COL24A1: variants seen among roughly 807,000 people sequenced by gnomAD.
COL24A1 encodes collagen type XXIV alpha 1 chain.
Under a neutral mutation model 253.9 loss-of-function variants are expected in COL24A1, and 224 were observed. The observed-to-expected ratio is 0.88, with a 90% confidence interval of 0.79 to 0.99. COL24A1 has a LOEUF of 0.99. COL24A1 is among the 50% of genes least tolerant of loss of function. COL24A1 has a pLI of 0.00. For synonymous variants in COL24A1, 685 were observed against 673.7 expected, an observed-to-expected ratio of 1.02 and a Z score of -0.26; for missense variants, 2,131 against 2,068.5, an observed-to-expected ratio of 1.03 and a Z score of -0.59.
In COL24A1 at chr1:85,745,342, A is replaced by G. The variant is rs1168585967; in HGVS notation, c.4503+99T>C. ...ACATTTTCAATCTGTTTTAAATACA[A>G]TCTTTGAGATAATGTCACATTTTGG... On this transcript the variant is annotated intron_variant, in intron 56 of 59. Coordinates refer to ENST00000370571, the MANE Select transcript of COL24A1 (RefSeq NM_152890.7). 25 of 652,360 alleles carry G rather than the reference A, an allele frequency of 3.8e-5. No homozygotes were observed. The South Asian group carries it at 6.0e-4, about 16-fold the overall frequency. 40.4% of individuals were successfully genotyped at this position (652,360 alleles called of 1,614,324 possible).
intron 32 of COL24A1, among the ~76,000 whole-genome samples, chr1:85,877,445 C>G (rs1295386478): frequency 6.6e-6 from 1 of 152,168 alleles, no homozygotes; most frequent in Non-Finnish European, 1.5e-5. Context: ...TCACTGCAAC[C>G]TCCGCCTCCC....
chr1:85,874,513 T>G, intron 35 of COL24A1, 136 bp downstream of exon 35: 1 of 777,364 alleles, frequency 1.3e-6, no homozygotes. Flanking sequence ...TTTGAAAGTA[T>G]GAAATGAAAC....
chr1:85,803,266 T>C (rs1453898463), intron 47 of COL24A1, among the ~76,000 whole-genome samples: 3 of 151,938 alleles, frequency 2.0e-5, no homozygotes, highest in African/African-American at 4.8e-5. Context: ...TGAAACCCCA[T>C]CTCTACTAAA....
intron 12 of COL24A1, chr1:86,045,944 T>G (rs766757403): frequency 2.9e-5 from 11 of 378,418 alleles, no homozygotes; most frequent in South Asian, 2.1e-4. Context: ...TGGATTTAGA[T>G]TCAGTGGAGC....
At chr1:86,118,295 C>A (rs1288144050) in intron 3 of COL24A1, among the ~76,000 whole-genome samples, 1 of 152,108 alleles carries the variant, frequency 6.6e-6, no homozygotes, top group African/African-American at 2.4e-5. Context: ...AAACTCCTGA[C>A]CTTGTGATCC....
Position 86,093,714 on chromosome 1 carries a change from G to T in COL24A1, c.1600-1394C>A, listed in dbSNP as rs191344887. Among the ~76,000 whole-genome samples, 351 of 152,162 alleles carry T rather than the reference G, an allele frequency of 2.3e-3. 1 individual carries two copies. Among genetic ancestry groups the T allele is most frequent in the African/African-American group, 8.2e-3 (339 of 41,506 alleles). On this transcript the variant is annotated intron_variant, in intron 5 of 59. Coordinates refer to ENST00000370571, the MANE Select transcript of COL24A1 (RefSeq NM_152890.7). ...AGTGTAAACAAACAACCTACAGAAT[G>T]GGAGAACATTTTTGCAAACTATGCA... is the stretch of plus-strand genomic sequence containing the variant.
At chr1:85,746,001 C>T (rs1039121032) in intron 55 of COL24A1, among the ~76,000 whole-genome samples, 1 of 152,050 alleles carries the variant, frequency 6.6e-6, no homozygotes, top group African/African-American at 2.4e-5. Context: ...GAAAATGTAC[C>T]ATGAGTCCCA....
At chr1:85,925,216 A>T (rs150507253) in intron 24 of COL24A1, among the ~76,000 whole-genome samples, 6,432 of 152,324 alleles carry the variant, frequency 0.042, 221 homozygotes, top group African/African-American at 0.09. Flanking sequence ...ATGGACAGGA[A>T]GAATCAATAT....
chr1:85,920,435 G>C (rs1264581773), intron 24 of COL24A1, among the ~76,000 whole-genome samples: 1 of 152,196 alleles, frequency 6.6e-6, no homozygotes, highest in African/African-American at 2.4e-5. Context: ...AATAGGCTGG[G>C]ATAGATACAT....
chr1:85,829,048 G>T (rs1221762652), intron 43 of COL24A1, among the ~76,000 whole-genome samples: 1 of 152,134 alleles, frequency 6.6e-6, no homozygotes, highest in African/African-American at 2.4e-5. Flanking sequence ...GCATGTTTTT[G>T]CAGTGGCTGG....
chr1:85,864,738 CA>C (rs1177957669), intron 37 of COL24A1, among the ~76,000 whole-genome samples: 1 of 152,150 alleles, frequency 6.6e-6, no homozygotes, highest in Non-Finnish European at 1.5e-5. Context: ...TACCTAATAT[CA>C]TACCACCTTA....
intron 33 of COL24A1, among the ~76,000 whole-genome samples, 196 bp from the exon 34 acceptor site, chr1:85,875,526 A>G (rs1681055135): frequency 6.6e-6 from 1 of 152,154 alleles, no homozygotes; most frequent in Non-Finnish European, 1.5e-5. Context: ...TTCGTCTAAA[A>G]TTAGGACTTT....
chr1:86,042,775 T>C (rs184164274), intron 12 of COL24A1, among the ~76,000 whole-genome samples: 6 of 152,326 alleles, frequency 3.9e-5, no homozygotes. Flanking sequence ...GAGCACGTGA[T>C]TTATAGTAAC....
At chr1:85,839,964 A>G (rs1388645077) in intron 42 of COL24A1, among the ~76,000 whole-genome samples, 1 of 152,170 alleles carries the variant, frequency 6.6e-6, no homozygotes, top group East Asian at 1.9e-4. Context: ...AATTAGTTGG[A>G]AAAGCATAGG....
chr1:85,870,435 AC>A (rs1305999143), intron 35 of COL24A1, among the ~76,000 whole-genome samples: 7 of 152,212 alleles, frequency 4.6e-5, no homozygotes, highest in African/African-American at 1.7e-4. Flanking sequence ...AAAATTGACC[AC>A]ATAGTTGGAA....
chr1:85,908,698 A>G (rs773324372), intron 26 of COL24A1, 47 bp from the exon 27 acceptor site: 2 of 845,810 alleles, frequency 2.4e-6, no homozygotes, highest in Non-Finnish European at 3.5e-6. Flanking sequence ...TCATGACTTT[A>G]AATTATTTTC....
In COL24A1 at chr1:85,869,682, G is replaced by T. The variant is rs1026500642; in HGVS notation, c.3139-847C>A. On this transcript the variant is annotated intron_variant, in intron 35 of 59. Coordinates refer to ENST00000370571, the MANE Select transcript of COL24A1 (RefSeq NM_152890.7). ...TGTCACCACCAGGCCTGCCCTACAA[G>T]AGCTCCTGAAGGAAGCACTAAACAC... Among the ~76,000 whole-genome samples the T allele has an allele frequency of 2.3e-4, 35 of 152,212 alleles. 1 individual carries two copies. The highest frequency in any genetic ancestry group is 8.2e-4 in the African/African-American group (34 of 41,528).
chr1:85,978,443 T>G (rs919622663), intron 20 of COL24A1, among the ~76,000 whole-genome samples: 2 of 151,444 alleles, frequency 1.3e-5, no homozygotes, highest in African/African-American at 4.9e-5. Flanking sequence ...GAAAAAAAAA[T>G]CCATCAATTA....
Position 86,112,567 on chromosome 1 carries a change from C to T in COL24A1, c.1599G>A (p.Lys533=). ...AGTTGCCTGATTAGTAGTCACTTAC[C>T]TTTGGACCAGGTAATCCAGGTAAAC... is the stretch of plus-strand genomic sequence containing the variant. ...NPGLPGLPGP[K]GPKGDPGFSP... Residue 533 remains lysine (K), a splice_region_variant and synonymous_variant, in exon 5 of 60, where the codon AAG becomes AAA. Coordinates refer to ENST00000370571, the MANE Select transcript of COL24A1 (RefSeq NM_152890.7). The T allele has an allele frequency of 4.3e-6, 7 of 1,612,232 alleles. No individual in the cohort carries two copies. Among genetic ancestry groups the T allele is most frequent in the Non-Finnish European group, 5.1e-6 (6 of 1,178,836 alleles).
Sources: allele counts gnomAD v4.1 joint callset (sites outside exome capture counted in the v4.1 genomes callset), GRCh38; gene constraint gnomAD v4.1.1; transcripts MANE v1.5; gene names NCBI Gene and HGNC (gene_info 2026-07-23, HGNC 2026-07-21).